Variants in IWS1 observed in about 807,000 individuals in gnomAD.
The protein encoded by IWS1 is interacts with SUPT6H, CTD assembly factor 1, also known as protein IWS1 homolog.
In IWS1, 27 loss-of-function variants were observed where a neutral mutation model predicts 86.7. That is an observed-to-expected ratio of 0.31 (90% confidence interval 0.23 to 0.43). The LOEUF is 0.43. Among genes scored for constraint, IWS1 ranks in the 20% least tolerant of loss-of-function variants. IWS1 has a pLI of 1.00. For missense variants in IWS1, 827 were observed against 1,000.8 expected (o/e 0.83, Z 2.34); for synonymous variants, 313 against 335.1 (o/e 0.93, Z 0.72).
At position 127,504,820 on chromosome 2, in the gene IWS1, G is replaced by C; in HGVS notation, c.1083C>G (p.His361Gln). ...GTTCTTCCTCCTCACTATCAGAACT[G>C]TGAAACTTTTTTCTGTCCATATGGC... ...SDSHMDRKKF[H>Q]SSDSEEEEHK... The change falls in exon 3 of 14, where the codon CAC (histidine) becomes CAG (glutamine). Residue 361 changes from histidine (H) to glutamine (Q), a missense_variant. His to Gln is a conservative substitution (Grantham distance 24). This residue lies in a region of IWS1 where 548 missense variants were observed against 560.2 expected (regional missense o/e 0.98). Coordinates refer to ENST00000295321, the MANE Select transcript of IWS1 (RefSeq NM_017969.3). The C allele has an allele frequency of 6.2e-7, 1 of 1,614,126 alleles. No individual in the cohort carries two copies. Among genetic ancestry groups the C allele is most frequent in the Non-Finnish European group, 8.5e-7 (1 of 1,180,024 alleles).
intron 12 of IWS1, among the ~76,000 whole-genome samples, chr2:127,488,459 G>A (rs1690050323): frequency 6.6e-6 from 1 of 152,132 alleles, no homozygotes; most frequent in South Asian, 2.1e-4. Context: ...TTTGGCTGAG[G>A]TCTTCAACTC....
Position 127,505,550 on chromosome 2 carries a change from C to T in IWS1, c.353G>A (p.Ser118Asn), listed in dbSNP as rs755375958. The T allele has an allele frequency of 6.2e-6, 10 of 1,613,940 alleles. No individual in the cohort carries two copies. Among genetic ancestry groups the T allele is most frequent in the Non-Finnish European group, 8.5e-6 (10 of 1,180,018 alleles). Residue 118 changes from serine (S) to asparagine (N), a missense_variant, in exon 3 of 14, where the codon AGC (serine) becomes AAC (asparagine). Ser to Asn is a conservative substitution (Grantham distance 46). Around this residue, in one of 2 missense-constraint regions of IWS1, gnomAD observed 548 missense variants for 560.2 expected, o/e 0.98. Transcript: ENST00000295321. The surrounding 1 kb of genome is among the most constrained non-coding windows in gnomAD (Gnocchi z 5.0). ...CCTGGTCTCTTCACTCTCAGAGTCG[C>T]TCCCATGCTGATTGACATCCTCATT... ...SENEDVNQHG[S>N]DSESEETRKL...
intron 13 of IWS1, chr2:127,482,430 A>G (rs1689677767): frequency 6.6e-6 from 1 of 152,236 alleles, no homozygotes; most frequent in South Asian, 2.1e-4. Context: ...GTAAGCATAA[A>G]AAGTGTCAGA....
rs754814355 is a variant in IWS1 at position 127,505,716 on chromosome 2, C to T, written c.187G>A (p.Gly63Arg). The change falls in exon 3 of 14, where the codon GGA (glycine) becomes AGA (arginine). Residue 63 changes from glycine (G) to arginine (R), a missense_variant. By Grantham distance (125) the Gly-to-Arg change is moderately radical. This residue lies in a region of IWS1 where 548 missense variants were observed against 560.2 expected (regional missense o/e 0.98). Transcript: ENST00000295321. This position sits in a 1 kb window ranked among gnomAD's most constrained non-coding sequence, Gnocchi z 5.0. ...TSDREDGLPK[G>R]HHVTDSENDE... Reference sequence around the variant, plus strand: ...TTCTCAGAGTCTGTCACATGATGTCCTTTGGGGAGGCCATCTTCTCGATCA... The same window carrying T: ...TTCTCAGAGTCTGTCACATGATGTCTTTTGGGGAGGCCATCTTCTCGATCA... The T allele has an allele frequency of 6.3e-7, 1 of 1,577,948 alleles. No homozygotes were observed. Among genetic ancestry groups the T allele is most frequent in the South Asian group, 1.2e-5 (1 of 84,374 alleles).
At position 127,490,935 on chromosome 2, in the gene IWS1, C is replaced by T. The variant is rs188755427; in HGVS notation, c.2048-992G>A. 21 of 152,304 alleles carry T rather than the reference C, an allele frequency of 1.4e-4. No individual in the cohort carries two copies. The East Asian group carries it at 3.7e-3, about 27-fold the overall frequency. 9.4% of individuals were successfully genotyped at this position (152,304 alleles called of 1,614,324 possible). A position where few individuals can be genotyped will look rare whatever the true frequency, so the allele number is the denominator to read the frequency against. On this transcript the variant is annotated intron_variant, in intron 10 of 13. Coordinates refer to ENST00000295321, the MANE Select transcript of IWS1 (RefSeq NM_017969.3). ...TCAAAAGAAAAATAATTATTCTATT[C>T]GAACGTAGTAGTTACTTTTTCAATC...
At chr2:127,506,863 T>C (rs1048117494) in intron 2 of IWS1, 7 of 159,724 alleles carry the variant, frequency 4.4e-5, no homozygotes, top group African/African-American at 1.7e-4. Flanking sequence ...GGCTTTAAAA[T>C]GCAGAGAAAA....
chr2:127,481,779 GAGAGAAGGAAATGAGAT>G (rs1352943750), intron 13 of IWS1, among the ~76,000 whole-genome samples: 2 of 152,168 alleles, frequency 1.3e-5, no homozygotes, highest in Non-Finnish European at 2.9e-5. Context: ...CAGAACTGCT[GAGAGAAGGAAATGAGAT>G]AGTGATGTCA....
intron 2 of IWS1, among the ~76,000 whole-genome samples, chr2:127,506,258 C>T (rs1691143632): frequency 1.3e-5 from 2 of 152,176 alleles, no homozygotes; most frequent in East Asian, 3.9e-4. Flanking sequence ...ATCCCAGCTA[C>T]TAGGGAGGCT....
In IWS1 at chr2:127,505,129, G is replaced by C. The variant is rs1265751243; in HGVS notation, c.774C>G (p.His258Gln). The change falls in exon 3 of 14, where the codon CAC (histidine) becomes CAG (glutamine). Residue 258 changes from histidine to glutamine, a missense_variant. His to Gln is a conservative substitution (Grantham distance 24, BLOSUM62 0). Coordinates refer to ENST00000295321, the MANE Select transcript of IWS1 (RefSeq NM_017969.3). The surrounding 1 kb of genome is among the most constrained non-coding windows in gnomAD (Gnocchi z 5.0). ...CTTCATTTTCTGAGTCACTGGCCTG[G>C]TGCCTCGGAGGGTCCTCACTTTCTG... ...SDSESEDPPR[H>Q]QASDSENEEL... 2.5e-6 allele frequency: 4 copies of C among 1,610,738 alleles called. No individual in the cohort carries two copies.
intron 2 of IWS1, among the ~76,000 whole-genome samples, chr2:127,521,510 C>A (rs1389303777): frequency 1.3e-5 from 2 of 152,194 alleles, no homozygotes; most frequent in African/African-American, 4.8e-5. Context: ...GCCAAAAACG[C>A]ATTTCATACA....
At chr2:127,520,218 G>C (rs76275638) in intron 2 of IWS1, among the ~76,000 whole-genome samples, 107 of 152,198 alleles carry the variant, frequency 7.0e-4, no homozygotes, top group African/African-American at 2.5e-3. Flanking sequence ...CGCCAGGCTG[G>C]AGTGCAGTGG....
intron 2 of IWS1, among the ~76,000 whole-genome samples, chr2:127,516,774 G>GAAGAGT (rs1691798955): frequency 6.6e-6 from 1 of 152,034 alleles, no homozygotes; most frequent in Admixed American, 6.6e-5. Flanking sequence ...CTCCAACCTA[G>GAAGAGT]GCAACAGAAG....
intron 2 of IWS1, among the ~76,000 whole-genome samples, chr2:127,523,428 C>T (rs1003543458): frequency 6.6e-6 from 1 of 152,160 alleles, no homozygotes; most frequent in Non-Finnish European, 1.5e-5. Flanking sequence ...TTTTCTGAAT[C>T]AATATGCACA....
intron 13 of IWS1, among the ~76,000 whole-genome samples, chr2:127,483,870 G>A (rs1275232557): frequency 3.9e-5 from 6 of 152,024 alleles, no homozygotes; most frequent in Non-Finnish European, 5.9e-5. Context: ...TTTAATTAAC[G>A]TTATCAGTAG....
chr2:127,516,231 C>T (rs1691764902), intron 2 of IWS1, among the ~76,000 whole-genome samples: 1 of 152,172 alleles, frequency 6.6e-6, no homozygotes, highest in Non-Finnish European at 1.5e-5. Flanking sequence ...TGGTGTATGC[C>T]TGTGGTCCCA....
intron 10 of IWS1, chr2:127,491,004 G>A (rs915038950): frequency 6.6e-6 from 1 of 152,178 alleles, no homozygotes; most frequent in Non-Finnish European, 1.5e-5. Flanking sequence ...TGGAGGACAG[G>A]AAGAGTTAAG....
At chr2:127,481,446 G>A (rs1014127031) in intron 13 of IWS1, among the ~76,000 whole-genome samples, 2 of 151,996 alleles carry the variant, frequency 1.3e-5, no homozygotes, top group Non-Finnish European at 2.9e-5. Context: ...GGAGAAAGGG[G>A]GGGGGAAACT....
chr2:127,509,707 CAAA>C (rs34526019), intron 2 of IWS1, among the ~76,000 whole-genome samples: 47 of 55,476 alleles, frequency 8.5e-4, no homozygotes, highest in Middle Eastern at 0.018. Context: ...CACTCCATCT[CAAA>C]AAAAAAAAAA....
intron 6 of IWS1, among the ~76,000 whole-genome samples, chr2:127,497,491 C>T (rs774786175): frequency 9.2e-5 from 14 of 152,144 alleles, no homozygotes; most frequent in Non-Finnish European, 1.6e-4. Flanking sequence ...GCTTGCTAAG[C>T]GCCTCAAACC....
Sources: gnomAD v4.1 joint callset for allele counts (sites outside exome capture counted in the v4.1 genomes callset) on GRCh38, gnomAD v4.1.1 for gene constraint, gnomAD v4.1.1 regional missense constraint, Gnocchi (gnomAD v3.1) non-coding constraint, MANE v1.5 for transcripts, NCBI Gene and HGNC (gene_info 2026-07-23, HGNC 2026-07-21) for gene names.